ENOX2: variants seen among roughly 807,000 people sequenced by gnomAD.
ENOX2 encodes the protein ecto-NOX disulfide-thiol exchanger 2, also known as APK1 antigen.
ENOX2 carries 36 observed loss-of-function variants against 45.0 expected under a neutral mutation model. The observed-to-expected ratio is 0.80, with a 90% CI of 0.61 to 1.06. The LOEUF (loss-of-function observed/expected upper bound fraction) is 1.06. Ranked by LOEUF, ENOX2 falls within the 50% of genes least tolerant of loss-of-function variation. ENOX2 has a pLI of 0.00. For synonymous variants in ENOX2, 174 were observed against 152.3 expected (o/e 1.14, Z -1.05); for missense variants, 423 against 462.5 (o/e 0.91, Z 0.78).
intron 2 of ENOX2, among the ~76,000 whole-genome samples, chrX:130,784,882 G>A (rs1403694020): frequency 9.3e-6 from 1 of 108,008 alleles, no homozygotes; most frequent in Admixed American, 9.9e-5. Context: ...GCCACGGTGC[G>A]CAGCCCATAG....
intron 3 of ENOX2, among the ~76,000 whole-genome samples, chrX:130,774,789 C>T (rs987103856): frequency 1.6e-4 from 18 of 112,058 alleles, no homozygotes; most frequent in Non-Finnish European, 3.2e-4. Flanking sequence ...CAATTTTGTA[C>T]ATGAAGAAGT....
intron 3 of ENOX2, among the ~76,000 whole-genome samples, chrX:130,725,082 C>T (rs755283745): frequency 2.3e-4 from 26 of 111,769 alleles, no homozygotes; most frequent in African/African-American, 8.1e-4. Context: ...TCCAAGTTAT[C>T]TCTTATACTA....
At chrX:130,833,323 C>A (rs2077869987) in intron 2 of ENOX2, among the ~76,000 whole-genome samples, 1 of 111,129 alleles carries the variant, frequency 9.0e-6, no homozygotes, top group Non-Finnish European at 1.9e-5. Flanking sequence ...AGGGGACCAA[C>A]AAAACAGGTA....
chrX:130,647,344 T>C (rs1193200828), intron 10 of ENOX2, among the ~76,000 whole-genome samples: 1 of 112,267 alleles, frequency 8.9e-6, no homozygotes, highest in Non-Finnish European at 1.9e-5. Context: ...GCGCAATAGG[T>C]ATAAATGTTT....
At chrX:130,671,918 TA>T (rs953437738) in intron 6 of ENOX2, among the ~76,000 whole-genome samples, 3 of 111,847 alleles carry the variant, frequency 2.7e-5, no homozygotes, top group African/African-American at 9.8e-5. Context: ...TAAACTTTAA[TA>T]AAAAAATTAC....
At chrX:130,755,961 T>G (rs1462313313) in intron 3 of ENOX2, among the ~76,000 whole-genome samples, 1 of 111,446 alleles carries the variant, frequency 9.0e-6, no homozygotes, top group African/African-American at 3.3e-5. Flanking sequence ...TTTTACATCA[T>G]GGGGTCACAT....
At chrX:130,784,328 C>T (rs993622720) in intron 2 of ENOX2, among the ~76,000 whole-genome samples, 21 of 111,294 alleles carry the variant, frequency 1.9e-4, no homozygotes, top group African/African-American at 6.9e-4. Flanking sequence ...CACTGCTGCA[C>T]CATATAAAAT....
intron 3 of ENOX2, among the ~76,000 whole-genome samples, chrX:130,762,786 C>T (rs747109414): frequency 1.2e-3 from 130 of 111,682 alleles, no homozygotes; most frequent in African/African-American, 4.1e-3. Flanking sequence ...TGTAGTCTAT[C>T]TTGGTATGCA....
chrX:130,886,618 G>T (rs1294505294), intron 2 of ENOX2, among the ~76,000 whole-genome samples: 2 of 111,562 alleles, frequency 1.8e-5, no homozygotes, highest in Non-Finnish European at 3.8e-5. Flanking sequence ...TTTGGGGCTC[G>T]TATTTGTAGC....
chrX:130,844,949 C>T (rs961577268), intron 2 of ENOX2, among the ~76,000 whole-genome samples: 7 of 112,287 alleles, frequency 6.2e-5, no homozygotes, highest in Admixed American at 2.8e-4. Context: ...AAGAAGGATA[C>T]GCTTCCATTT....
At chrX:130,804,083 C>T (rs2077261829) in intron 2 of ENOX2, among the ~76,000 whole-genome samples, 1 of 111,314 alleles carries the variant, frequency 9.0e-6, no homozygotes, top group Non-Finnish European at 1.9e-5. Context: ...TTCTCCTATT[C>T]CTTCCCTGCC....
intron 3 of ENOX2, among the ~76,000 whole-genome samples, chrX:130,770,802 G>A (rs2039722609): frequency 1.8e-5 from 2 of 112,173 alleles, no homozygotes; most frequent in South Asian, 7.4e-4. Flanking sequence ...TTGAGATTCT[G>A]ACTTGGTGAA....
chrX:130,735,576 AT>A (rs979284788), intron 3 of ENOX2, among the ~76,000 whole-genome samples: 2 of 112,035 alleles, frequency 1.8e-5, no homozygotes, highest in African/African-American at 6.5e-5. Flanking sequence ...GGACTATAAG[AT>A]TTTTTTCTGA....
intron 3 of ENOX2, among the ~76,000 whole-genome samples, chrX:130,715,442 C>T (rs983611007): frequency 6.2e-5 from 7 of 112,227 alleles, no homozygotes; most frequent in African/African-American, 2.3e-4. Context: ...TGCTTCTTTA[C>T]CTCTGCAAAG....
chrX:130,885,444 T>C (rs1394389181), intron 2 of ENOX2, among the ~76,000 whole-genome samples: 1 of 112,194 alleles, frequency 8.9e-6, no homozygotes, highest in Non-Finnish European at 1.9e-5. Context: ...TAAGAAAGTA[T>C]ATATTAAATC....
intron 1 of ENOX2, among the ~76,000 whole-genome samples, chrX:130,902,388 A>G (rs1167362343): frequency 9.0e-6 from 1 of 111,179 alleles, no homozygotes; most frequent in Non-Finnish European, 1.9e-5. Context: ...TCTCAAAAGC[A>G]AGATTCCTTC....
chrX:130,774,052 A>G (rs968668386), intron 3 of ENOX2, among the ~76,000 whole-genome samples: 1 of 112,128 alleles, frequency 8.9e-6, no homozygotes, highest in East Asian at 2.8e-4. Context: ...GTGTTGAGAT[A>G]CCTAGAGAGG....
intron 10 of ENOX2, chrX:130,645,923 T>C: frequency 1.4e-6 from 1 of 697,872 alleles, no homozygotes; most frequent in Non-Finnish European, 2.3e-6. Flanking sequence ...ACTTGGGCAA[T>C]AGCAGTCGTC....
In ENOX2 at chrX:130,622,337, T is replaced by C. The variant is rs2035451451; in HGVS notation, c.*2977A>G. The stretch of plus-strand genomic sequence containing the variant: ...CACACATTTATGCTATCTTTTCAAA[T>C]AATACAGTTTATTCTGCCTTATATG... On this transcript the variant is annotated 3_prime_UTR_variant, in exon 15 of 15. Coordinates refer to ENST00000394363, the MANE Select transcript of ENOX2 (RefSeq NM_006375.4). Among the ~76,000 whole-genome samples the C allele has an allele frequency of 8.9e-6, 1 of 111,824 alleles. No homozygotes were observed. Among genetic ancestry groups the C allele is most frequent in the Non-Finnish European group, 1.9e-5 (1 of 53,224 alleles).
Sources: allele counts gnomAD v4.1 joint callset (sites outside exome capture counted in the v4.1 genomes callset), GRCh38; gene constraint gnomAD v4.1.1; transcripts MANE v1.5; gene names NCBI Gene and HGNC (gene_info 2026-07-23, HGNC 2026-07-21).